Variants in CACNA1A observed in about 807,000 individuals in gnomAD.
CACNA1A encodes the protein calcium voltage-gated channel subunit alpha1 A.
Under a neutral mutation model 262.4 loss-of-function variants are expected in CACNA1A, and 57 were observed. The ratio of observed to expected loss-of-function variants is 0.22; its 90% CI spans 0.18 to 0.27. The LOEUF (loss-of-function observed/expected upper bound fraction) is 0.27, where lower values mean the gene tolerates loss of function less well. CACNA1A is among the 10% of genes least tolerant of loss of function. CACNA1A has a pLI of 1.00. For missense variants in CACNA1A, 2,526 were observed against 3,562.8 expected, an observed-to-expected ratio of 0.71 and a Z score of 7.41; for synonymous variants, 1,431 against 1,419.3, an observed-to-expected ratio of 1.01 and a Z score of -0.18.
intron 1 of CACNA1A, among the ~76,000 whole-genome samples, chr19:13,488,597 A>G (rs1472956469): frequency 6.6e-6 from 1 of 151,046 alleles, no homozygotes; most frequent in African/African-American, 2.4e-5. Flanking sequence ...ATGGAGTTTC[A>G]CCATGTTGGC....
In CACNA1A at chr19:13,259,590, G is replaced by C; in HGVS notation, c.4362C>G (p.Thr1454=). 1 of 1,609,012 alleles carries C rather than the reference G, an allele frequency of 6.2e-7. No homozygotes were observed. The highest frequency in any genetic ancestry group is 8.5e-7 in the Non-Finnish European group (1 of 1,177,700). Residue 1454 remains threonine (T), a synonymous_variant, in exon 27 of 47, where the codon ACC becomes ACG. Coordinates refer to ENST00000360228, the MANE Select transcript of CACNA1A (RefSeq NM_001127222.2). Reference sequence around the variant, plus strand: ...GTGGCCAGCCTTCTCCCGTGGACACGGTGAAGAGGGTCAGCAGAGCCCACA... The same window carrying C: ...GTGGCCAGCCTTCTCCCGTGGACACCGTGAAGAGGGTCAGCAGAGCCCACA... ...NVLWALLTLF[T]VSTGEGWPQV... is the part of the protein sequence containing the mutation.
chr19:13,490,719 AAGAAAGAAAG>A (rs1296541960), intron 1 of CACNA1A, among the ~76,000 whole-genome samples: 1 of 92,522 alleles, frequency 1.1e-5, no homozygotes, highest in Non-Finnish European at 2.5e-5. Context: ...GAAAGAAAGA[AAGAAAGAAAG>A]AAAGAGAAAA....
intron 3 of CACNA1A, among the ~76,000 whole-genome samples, chr19:13,414,732 C>T (rs868187129): frequency 8.0e-5 from 12 of 150,922 alleles, no homozygotes; most frequent in African/African-American, 1.2e-4. Context: ...CCAAAGTGGG[C>T]GGATCGCTTG....
chr19:13,430,485 C>T (rs2060487499), intron 3 of CACNA1A, among the ~76,000 whole-genome samples: 2 of 152,114 alleles, frequency 1.3e-5, no homozygotes, highest in Admixed American at 6.5e-5. Flanking sequence ...GGATTACAGG[C>T]GTGAGCCACC....
intron 30 of CACNA1A, among the ~76,000 whole-genome samples, chr19:13,247,204 C>A (rs140021339): frequency 6.6e-6 from 1 of 152,236 alleles, no homozygotes; most frequent in African/African-American, 2.4e-5. Flanking sequence ...CCTGAAGTAG[C>A]CCCTCTACCT....
chr19:13,275,000 T>G (rs2144828904), intron 24 of CACNA1A: 1 of 152,288 alleles, frequency 6.6e-6, no homozygotes, highest in South Asian at 2.1e-4. Context: ...CACCTTGGAA[T>G]GGTTGCCCAG....
chr19:13,303,750 C>G lies in CACNA1A; in HGVS notation c.2104+17G>C. 1 of 1,593,810 alleles carries G rather than the reference C, an allele frequency of 6.3e-7. No homozygotes were observed. The highest frequency in any genetic ancestry group is 1.1e-5 in the South Asian group (1 of 90,628). On this transcript the variant is annotated intron_variant, in intron 16 of 46. Transcript: ENST00000360228. ...GAGGTCCAGGCCTGTCCCCTTCTCT[C>G]TCTCCATGAAGGATACAGTTCCCAA...
intron 3 of CACNA1A, among the ~76,000 whole-genome samples, chr19:13,433,460 CAAAA>C (rs533297364): frequency 0.038 from 2,910 of 76,150 alleles, 88 homozygotes; most frequent in Middle Eastern, 0.052. Context: ...GACGCTGTCT[CAAAA>C]AAAAAAAAAA....
chr19:13,344,730 CATTT>C (rs77276447), intron 6 of CACNA1A, among the ~76,000 whole-genome samples: 5 of 120,404 alleles, frequency 4.2e-5, no homozygotes, highest in Non-Finnish European at 6.8e-5. Flanking sequence ...GTTGGTGGAT[CATTT>C]ATTTTATTTA....
chr19:13,457,040 A>AGTTG (rs1455953682), intron 1 of CACNA1A, among the ~76,000 whole-genome samples: 5 of 151,932 alleles, frequency 3.3e-5, no homozygotes, highest in African/African-American at 1.2e-4. Context: ...ACTTGAGCAC[A>AGTTG]GGAGTCCGAG....
intron 32 of CACNA1A, 118 bp downstream of exon 32, chr19:13,235,496 C>A: frequency 1.2e-6 from 1 of 813,104 alleles, no homozygotes; most frequent in South Asian, 1.4e-5. Context: ...TTGGAGATAA[C>A]AGATTCTCTG....
intron 4 of CACNA1A, 42 bp downstream of exon 4, chr19:13,371,646 G>T: frequency 7.0e-7 from 1 of 1,421,720 alleles, no homozygotes; most frequent in Non-Finnish European, 9.7e-7. Context: ...GGCTCCTGGG[G>T]CCCGTGAGCA....
rs149537059 is a variant in CACNA1A, at chr19:13,371,521, C to T, written c.631+167G>A. On this transcript the variant is annotated intron_variant, in intron 4 of 46. Transcript: ENST00000360228. ...TTTGCTTTCAGGAGCTCATGGGGAG[C>T]TACAGTCATATTCCTAGGGGGTTCC... 365 of 600,976 alleles carry T rather than the reference C, an allele frequency of 6.1e-4. 1 individual carries two copies. In the African/African-American group the frequency reaches 6.3e-3, roughly 10 times the overall value. The allele number at this position is 600,976 out of a possible 1,614,324, so 37.2% of individuals were successfully genotyped here.
chr19:13,209,728 G>A (rs1194235925), intron 44 of CACNA1A, among the ~76,000 whole-genome samples: 2 of 152,208 alleles, frequency 1.3e-5, no homozygotes, highest in Non-Finnish European at 2.9e-5. Context: ...CTGTCCCTCA[G>A]AGACAGGACT....
Position 13,212,946 on chromosome 19 carries a change from C to T in CACNA1A, c.5941-206G>A, listed in dbSNP as rs889582821. Among the ~76,000 whole-genome samples the T allele has an allele frequency of 2.0e-5, 3 of 152,078 alleles. No individual in the cohort carries two copies. The highest frequency in any genetic ancestry group is 6.6e-5 in the Admixed American group (1 of 15,260). On this transcript the variant is annotated intron_variant, in intron 40 of 46. Transcript: ENST00000360228. The surrounding 1 kb of genome is among the most constrained non-coding windows in gnomAD (Gnocchi z 5.6). The stretch of plus-strand genomic sequence containing the variant: ...AAGTCATAGCCCCAGCCTGGTCCCA[C>T]GTCCTCATCTCTCACTGCAGGCACC...
At chr19:13,208,601 G>A (rs2054668157) in intron 46 of CACNA1A, among the ~76,000 whole-genome samples, 155 bp downstream of exon 46, 1 of 152,070 alleles carries the variant, frequency 6.6e-6, no homozygotes, top group Non-Finnish European at 1.5e-5. Flanking sequence ...CGCTCCGGCC[G>A]CCGGGCACCC....
chr19:13,298,741 G>T lies in CACNA1A; in HGVS notation c.2892C>A (p.Pro964=), dbSNP rs771351347. 8 of 1,503,522 alleles carry T rather than the reference G, an allele frequency of 5.3e-6. No individual in the cohort carries two copies. The highest frequency in any genetic ancestry group is 6.2e-6 in the Non-Finnish European group (7 of 1,132,266). 93.1% of individuals were successfully genotyped at this position (1,503,522 alleles called of 1,614,324 possible). Residue 964 remains proline (P), a synonymous_variant, in exon 19 of 47, where the codon CCC becomes CCA. Transcript: ENST00000360228. The stretch of plus-strand genomic sequence containing the variant: ...CCTTGTCCTCCGGACCCTCCTCCCC[G>T]GGCCTGCGGTGCGCGCGATGACGTC... ...EHRRHRAHRR[P]GEEGPEDKAE...
At chr19:13,287,366 G>A (rs1232679778) in intron 19 of CACNA1A, among the ~76,000 whole-genome samples, 1 of 151,856 alleles carries the variant, frequency 6.6e-6, no homozygotes, top group Non-Finnish European at 1.5e-5. Flanking sequence ...AAACAAAAAA[G>A]AAAAGGAAAG....
Position 13,212,382 on chromosome 19 carries a change from A to C in CACNA1A, c.6189+2T>G. On this transcript the variant is annotated splice_donor_variant, in intron 42 of 46. Coordinates refer to ENST00000360228, the MANE Select transcript of CACNA1A (RefSeq NM_001127222.2). LOFTEE classifies it high-confidence loss of function. This position sits in a 1 kb window ranked among gnomAD's most constrained non-coding sequence, Gnocchi z 5.6. ...CATTGGGGAGTTGGGGGACAGAGGC[A>C]CCTGAGAGTTAGGCTGGCTGTTGGG... The C allele has an allele frequency of 6.2e-7, 1 of 1,613,498 alleles. No homozygotes were observed. The highest frequency in any genetic ancestry group is 8.5e-7 in the Non-Finnish European group (1 of 1,179,728).
Sources: gnomAD v4.1 joint callset for allele counts (sites outside exome capture counted in the v4.1 genomes callset) on GRCh38, gnomAD v4.1.1 for gene constraint, Gnocchi (gnomAD v3.1) non-coding constraint, MANE v1.5 for transcripts, NCBI Gene and HGNC (gene_info 2026-07-23, HGNC 2026-07-21) for gene names.